Variants in GRID1 observed in about 807,000 individuals in gnomAD.
GRID1 encodes the protein glutamate ionotropic receptor delta type subunit 1.
A neutral mutation model predicts 98.0 loss-of-function variants in GRID1; 28 were observed. The ratio of observed to expected loss-of-function variants is 0.29; its 90% CI spans 0.21 to 0.39. The LOEUF (loss-of-function observed/expected upper bound fraction) is 0.39. Ranked by LOEUF, GRID1 falls within the 10% of genes least tolerant of loss-of-function variation. GRID1 has a pLI of 1.00. For synonymous variants in GRID1, 553 were observed against 538.5 expected (o/e 1.03, Z -0.37); for missense variants, 1,111 against 1,340.5 (o/e 0.83, Z 2.67).
At chr10:86,104,176 G>C (rs1844344223) in intron 4 of GRID1, among the ~76,000 whole-genome samples, 1 of 152,158 alleles carries the variant, frequency 6.6e-6, no homozygotes, top group African/African-American at 2.4e-5. Flanking sequence ...ATACGGACCA[G>C]GGTTCAAATC....
At chr10:86,196,097 C>T (rs1845868403) in intron 3 of GRID1, among the ~76,000 whole-genome samples, 1 of 152,032 alleles carries the variant, frequency 6.6e-6, no homozygotes, top group African/African-American at 2.4e-5. Flanking sequence ...CCATGGACCC[C>T]TTCATCCTTT....
chr10:86,171,118 T>A (rs1845479501), intron 3 of GRID1, among the ~76,000 whole-genome samples: 1 of 152,186 alleles, frequency 6.6e-6, no homozygotes, highest in Non-Finnish European at 1.5e-5. Context: ...GAAGCAGGAC[T>A]AAGGCACCTG....
At chr10:86,078,861 G>C (rs969587362) in intron 4 of GRID1, among the ~76,000 whole-genome samples, 18 of 152,228 alleles carry the variant, frequency 1.2e-4, no homozygotes, top group Non-Finnish European at 2.4e-4. Context: ...TGCCCCTGAG[G>C]GGAGCCAGCA....
chr10:86,313,794 T>A (rs1021215473), intron 2 of GRID1, among the ~76,000 whole-genome samples: 1 of 152,166 alleles, frequency 6.6e-6, no homozygotes, highest in Non-Finnish European at 1.5e-5. Flanking sequence ...TTCCCACACA[T>A]CCCCAGCCCC....
chr10:85,729,256 G>A (rs1419479429), intron 9 of GRID1, among the ~76,000 whole-genome samples: 1 of 152,160 alleles, frequency 6.6e-6, no homozygotes, highest in Non-Finnish European at 1.5e-5. Context: ...GGTCCTCAGA[G>A]GAAGCTGTGA....
chr10:86,145,162 A>C (rs1589387051), intron 3 of GRID1, among the ~76,000 whole-genome samples: 1 of 152,258 alleles, frequency 6.6e-6, no homozygotes, highest in Admixed American at 6.5e-5. Flanking sequence ...AGTCTTCTAG[A>C]GACTTCATTA....
chr10:86,234,297 G>A (rs985309686), intron 2 of GRID1, among the ~76,000 whole-genome samples: 1 of 152,174 alleles, frequency 6.6e-6, no homozygotes, highest in Non-Finnish European at 1.5e-5. Context: ...CATCGGGCAC[G>A]TCTGCCCCCA....
At chr10:86,107,447 T>A (rs1844408280) in intron 4 of GRID1, among the ~76,000 whole-genome samples, 1 of 152,164 alleles carries the variant, frequency 6.6e-6, no homozygotes, top group Non-Finnish European at 1.5e-5. Context: ...CTTGGCCTAG[T>A]TATATTGATA....
intron 4 of GRID1, among the ~76,000 whole-genome samples, chr10:85,966,434 G>A (rs1314051215): frequency 9.9e-5 from 15 of 152,160 alleles, no homozygotes; most frequent in Admixed American, 9.8e-4. Context: ...AGAGTTGTAA[G>A]TACCTACATG....
intron 4 of GRID1, among the ~76,000 whole-genome samples, chr10:86,092,359 G>A (rs933143578): frequency 1.3e-5 from 2 of 152,140 alleles, no homozygotes; most frequent in African/African-American, 4.8e-5. Context: ...CAATAGAACT[G>A]AAAAAGTAGA....
rs115890573 is a variant in GRID1 at position 86,227,864 on chromosome 10, G to A, written c.236-21216C>T. 9.2e-3 allele frequency among the ~76,000 whole-genome samples: 1,407 copies of A among 152,288 alleles called. 19 individuals are homozygous for A. The highest frequency in any genetic ancestry group is 0.031 in the Middle Eastern group (9 of 294). ...CATGCCTCATCTGTGCTTAGCCCCA[G>A]GCCCTGCATGGTGCCTGACACATGG... On this transcript the variant is annotated intron_variant, in intron 2 of 15. Coordinates refer to ENST00000327946, the MANE Select transcript of GRID1 (RefSeq NM_017551.3).
chr10:86,004,727 T>TACACTCACACACTCAC (rs1842840419), intron 4 of GRID1, among the ~76,000 whole-genome samples: 1 of 76,726 alleles, frequency 1.3e-5, no homozygotes, highest in Non-Finnish European at 2.6e-5. Context: ...TCTCTCTTTC[T>TACACTCACACACTCAC]ACACACACAC....
chr10:86,319,761 T>A (rs1847945320), intron 2 of GRID1, among the ~76,000 whole-genome samples: 1 of 152,226 alleles, frequency 6.6e-6, no homozygotes, highest in Non-Finnish European at 1.5e-5. Context: ...GTGAAAGCAC[T>A]GCTGATGGCT....
At chr10:86,093,641 G>A (rs567507054) in intron 4 of GRID1, among the ~76,000 whole-genome samples, 1 of 152,092 alleles carries the variant, frequency 6.6e-6, no homozygotes, top group Non-Finnish European at 1.5e-5. Context: ...AACCATCTTA[G>A]CTTAAACCAG....
At chr10:86,006,589 G>A (rs1307401676) in intron 4 of GRID1, among the ~76,000 whole-genome samples, 1 of 151,998 alleles carries the variant, frequency 6.6e-6, no homozygotes, top group Non-Finnish European at 1.5e-5. Context: ...CTGCACTCCA[G>A]CCTGGCGACA....
At chr10:86,323,933 C>T (rs1444340089) in intron 2 of GRID1, among the ~76,000 whole-genome samples, 2 of 152,204 alleles carry the variant, frequency 1.3e-5, no homozygotes, top group Non-Finnish European at 2.9e-5. Context: ...AATCCCAGCA[C>T]TTCGGGAGGC....
rs72842937 is a variant in GRID1, at chr10:85,886,946, C to T, written c.781-17766G>A. ...CATTTCCTTTTATTCCTTAGGAAGA[C>T]CTAGATCTATCAAACATCTGTGTGA... On this transcript the variant is annotated intron_variant, in intron 5 of 15. Coordinates refer to ENST00000327946, the MANE Select transcript of GRID1 (RefSeq NM_017551.3). 2.5e-3 allele frequency among the ~76,000 whole-genome samples: 374 copies of T among 152,236 alleles called. 3 individuals carry two copies. Among genetic ancestry groups the T allele is most frequent in the South Asian group, 6.2e-3 (30 of 4,818 alleles).
intron 4 of GRID1, among the ~76,000 whole-genome samples, chr10:85,989,950 T>G (rs1414276925): frequency 6.6e-6 from 1 of 152,178 alleles, no homozygotes; most frequent in African/African-American, 2.4e-5. Flanking sequence ...GGTTGCTCCC[T>G]TGCCCCTTCA....
intron 8 of GRID1, among the ~76,000 whole-genome samples, chr10:85,759,916 C>A (rs1842131849): frequency 1.3e-5 from 2 of 152,172 alleles, no homozygotes; most frequent in Non-Finnish European, 2.9e-5. Context: ...GGGCATCCTG[C>A]CATGCCAGGT....
Sources: allele counts gnomAD v4.1 joint callset (sites outside exome capture counted in the v4.1 genomes callset), GRCh38; gene constraint gnomAD v4.1.1; transcripts MANE v1.5; gene names NCBI Gene and HGNC (gene_info 2026-07-23, HGNC 2026-07-21).